FRMPD4: variants seen among roughly 807,000 people sequenced by gnomAD.
The protein encoded by FRMPD4 is FERM and PDZ domain containing 4.
Under a neutral mutation model 94.1 loss-of-function variants are expected in FRMPD4, and 22 were observed. The ratio of observed to expected loss-of-function variants is 0.23; its 90% CI spans 0.17 to 0.33. The LOEUF (loss-of-function observed/expected upper bound fraction) is 0.33, where lower values mean the gene tolerates loss of function less well. Among genes scored for constraint, FRMPD4 ranks in the 10% least tolerant of loss-of-function variants. The probability of loss-of-function intolerance (pLI) is 1.00; values close to 1 mark genes in which losing one functional copy is unlikely to be tolerated. For synonymous variants in FRMPD4, 631 were observed against 548.6 expected, an observed-to-expected ratio of 1.15 and a Z score of -2.10; for missense variants, 1,111 against 1,339.9, an observed-to-expected ratio of 0.83 and a Z score of 2.67.
At chrX:12,389,331 C>G (rs1267920492) in intron 1 of FRMPD4, among the ~76,000 whole-genome samples, 5 of 109,404 alleles carry the variant, frequency 4.6e-5, no homozygotes, top group African/African-American at 1.7e-4. Context: ...AAAAATTAGC[C>G]AGGCGTGATG....
chrX:12,720,004 G>C (rs866956316), intron 16 of FRMPD4, among the ~76,000 whole-genome samples: 1 of 38,981 alleles, frequency 2.6e-5, no homozygotes, highest in African/African-American at 9.2e-5. Flanking sequence ...AGAAAGGAAA[G>C]GAAAGGAAAG....
At chrX:12,177,029 C>T (rs1182780182) in intron 1 of FRMPD4, among the ~76,000 whole-genome samples, 1 of 112,197 alleles carries the variant, frequency 8.9e-6, no homozygotes, top group African/African-American at 3.2e-5. Context: ...GGTTATTTTT[C>T]ATATACTTAC....
chrX:12,596,994 A>G (rs191181813), intron 2 of FRMPD4, among the ~76,000 whole-genome samples: 19 of 111,981 alleles, frequency 1.7e-4, no homozygotes, highest in African/African-American at 5.8e-4. Context: ...TCTAAGCTTC[A>G]GTGTTCCTTG....
Position 12,375,807 on chromosome X carries a change from G to A in FRMPD4, c.42-122873G>A, listed in dbSNP as rs760761401. ...AGAAAGCGGATCATTTGCTGTTCCT[G>A]TTGGAATTTCAAGGCCCAGCCATCC... On this transcript the variant is annotated intron_variant, in intron 1 of 16. Transcript: ENST00000675598. 2.7e-5 allele frequency among the ~76,000 whole-genome samples: 3 copies of A among 112,040 alleles called. No individual in the cohort carries two copies. In the East Asian group the frequency reaches 8.4e-4, roughly 32 times the overall value.
At chrX:12,181,951 C>T (rs1402560887) in intron 1 of FRMPD4, among the ~76,000 whole-genome samples, 2 of 111,515 alleles carry the variant, frequency 1.8e-5, no homozygotes, top group Non-Finnish European at 3.8e-5. Context: ...GGGTGTTCCT[C>T]TCCCCTGGTG....
Position 12,718,057 on chromosome X carries a change from C to T in FRMPD4, c.3231C>T (p.Ser1077=). The T allele has an allele frequency of 8.3e-7, 1 of 1,210,731 alleles. No individual in the cohort carries two copies. The change falls in exon 16 of 17, where the codon AGC becomes AGT. Residue 1077 remains serine, a synonymous_variant. Coordinates refer to ENST00000675598, the MANE Select transcript of FRMPD4 (RefSeq NM_001368397.1). ...CTTCACGAGACAGTCAACACCTGAG[C>T]ACTTTTAATCTGGAGAGAACTGCCT... ...TVSSRDSQHL[S]TFNLERTAFR... is the part of the protein sequence containing the mutation.
At chrX:12,694,183 T>A (rs952795037) in intron 8 of FRMPD4, 152 bp from the exon 9 acceptor site, 41 of 430,718 alleles carry the variant, frequency 9.5e-5, no homozygotes, top group Non-Finnish European at 1.5e-4. Context: ...CAAGGTTATG[T>A]GTAGTTTTCA....
In FRMPD4 at chrX:12,718,117, T is replaced by C; in HGVS notation, c.3291T>C (p.Thr1097=). 1 of 1,211,057 alleles carries C rather than the reference T, an allele frequency of 8.3e-7. No individual in the cohort carries two copies. The highest frequency in any genetic ancestry group is 1.7e-5 in the African/African-American group (1 of 57,731). Residue 1097 remains threonine (T), a synonymous_variant, in exon 16 of 17, where the codon ACT becomes ACC. Transcript: ENST00000675598. ...ACAGTCAAAGATGGTATGTGGCCAC[T>C]GAAGGTGGGATGGCTGAAAAAAGTG... ...RKDSQRWYVA[T]EGGMAEKSGL... is the part of the protein sequence containing the mutation.
intron 1 of FRMPD4, among the ~76,000 whole-genome samples, chrX:12,222,655 A>G (rs2056881900): frequency 9.0e-6 from 1 of 111,380 alleles, no homozygotes; most frequent in African/African-American, 3.3e-5. Flanking sequence ...GTCAATATCC[A>G]CTCCCACACC....
At chrX:12,188,133 T>A (rs962678583) in intron 1 of FRMPD4, among the ~76,000 whole-genome samples, 2 of 111,755 alleles carry the variant, frequency 1.8e-5, no homozygotes, top group Non-Finnish European at 3.8e-5. Flanking sequence ...CTACAACCTA[T>A]CAGCACCATG....
intron 1 of FRMPD4, among the ~76,000 whole-genome samples, chrX:12,353,495 G>A (rs1480879136): frequency 8.9e-6 from 1 of 112,002 alleles, no homozygotes; most frequent in Non-Finnish European, 1.9e-5. Flanking sequence ...TATTTGAGTT[G>A]CTCATCAGAA....
At chrX:12,020,993 T>C (rs1470357500) in intron 3 of FRMPD4, among the ~76,000 whole-genome samples, 1 of 112,115 alleles carries the variant, frequency 8.9e-6, no homozygotes, top group East Asian at 2.8e-4. Context: ...CAGAGGTCTG[T>C]CCTAGTGAGC....
Position 12,499,095 on chromosome X carries a change from G to A in FRMPD4, c.158+299G>A, listed in dbSNP as rs2057888233. ...CTGGCTCAGAGCAAAAGTTTCCACC[G>A]TTAAATATTAGGCCAAGTTGTATTC... On this transcript the variant is annotated intron_variant, in intron 2 of 16. Coordinates refer to ENST00000675598, the MANE Select transcript of FRMPD4 (RefSeq NM_001368397.1). Among the ~76,000 whole-genome samples the A allele has an allele frequency of 2.7e-5, 3 of 111,258 alleles. No homozygotes were observed. The South Asian group carries it at 1.1e-3, about 42-fold the overall frequency.
intron 1 of FRMPD4, among the ~76,000 whole-genome samples, chrX:12,376,660 C>T (rs2056242041): frequency 8.8e-6 from 1 of 113,089 alleles, no homozygotes; most frequent in African/African-American, 3.2e-5. Flanking sequence ...CACACACACA[C>T]ACACACTCAT....
chrX:11,873,973 T>C (rs1188906957), intron 2 of FRMPD4, among the ~76,000 whole-genome samples: 1 of 110,725 alleles, frequency 9.0e-6, no homozygotes. Context: ...TTCATCCCAG[T>C]AGGCAGAGGT....
intron 3 of FRMPD4, among the ~76,000 whole-genome samples, chrX:11,981,051 A>T (rs1166059552): frequency 2.7e-5 from 3 of 112,025 alleles, no homozygotes; most frequent in East Asian, 5.6e-4. Flanking sequence ...CCAAGTAGTT[A>T]TAAGAGAGAC....
At chrX:12,523,182 G>C (rs140823860) in intron 2 of FRMPD4, among the ~76,000 whole-genome samples, 1 of 112,039 alleles carries the variant, frequency 8.9e-6, no homozygotes, top group African/African-American at 3.2e-5. Context: ...CCCTTCATAA[G>C]ATATCCTGCT....
intron 1 of FRMPD4, among the ~76,000 whole-genome samples, chrX:12,314,398 A>T (rs951962366): frequency 9.0e-6 from 1 of 111,079 alleles, no homozygotes; most frequent in Non-Finnish European, 1.9e-5. Context: ...TGCAAGCTTT[A>T]GGTTTCCCAA....
chrX:12,277,071 A>T (rs1041405796), intron 1 of FRMPD4, among the ~76,000 whole-genome samples: 42 of 100,531 alleles, frequency 4.2e-4, no homozygotes, highest in African/African-American at 1.4e-3. Flanking sequence ...CAGTGAGCCG[A>T]GATCCCGCCA....
Sources: allele counts gnomAD v4.1 joint callset (sites outside exome capture counted in the v4.1 genomes callset), GRCh38; gene constraint gnomAD v4.1.1; transcripts MANE v1.5; gene names NCBI Gene and HGNC (gene_info 2026-07-23, HGNC 2026-07-21).